The following WDR41 variants were observed in gnomAD, a reference collection of about 807,000 sequenced individuals.
WDR41 encodes the protein WD repeat domain 41, also known as WD repeat-containing protein 41.
In WDR41, 63 loss-of-function variants were observed where a neutral mutation model predicts 69.3. That is an observed-to-expected ratio of 0.91 (90% confidence interval 0.74 to 1.12). The LOEUF (loss-of-function observed/expected upper bound fraction) is 1.12, where lower values mean the gene tolerates loss of function less well. Ranked by LOEUF, WDR41 falls within the 50% of genes most tolerant of loss-of-function variation. WDR41 has a pLI of 0.00. For missense variants in WDR41, 543 were observed against 534.5 expected, an observed-to-expected ratio of 1.02 and a Z score of -0.16; for synonymous variants, 185 against 192.1, an observed-to-expected ratio of 0.96 and a Z score of 0.31.
At chr5:77,441,135 G>C in intron 8 of WDR41, 138 bp from the exon 9 acceptor site, 1 of 803,024 alleles carries the variant, frequency 1.2e-6, no homozygotes, top group Non-Finnish European at 1.8e-6. Context: ...CCAACAGAAA[G>C]ATTAATGTAA....
At chr5:77,499,161 C>T (rs975713851) in intron 1 of WDR41, among the ~76,000 whole-genome samples, 3 of 152,146 alleles carry the variant, frequency 2.0e-5, no homozygotes, top group East Asian at 1.9e-4. Context: ...AAATAGATGA[C>T]GTAACTCTTT....
intron 12 of WDR41, 110 bp from the exon 13 acceptor site, chr5:77,433,397 T>G: frequency 1.1e-6 from 1 of 883,196 alleles, no homozygotes; most frequent in Non-Finnish European, 1.6e-6. Context: ...CTCCTTTGGA[T>G]CTGGGTGTAG....
At chr5:77,485,021 A>G (rs1321832115) in intron 2 of WDR41, among the ~76,000 whole-genome samples, 1 of 152,248 alleles carries the variant, frequency 6.6e-6, no homozygotes, top group Non-Finnish European at 1.5e-5. Context: ...ATTTACATCC[A>G]GTAGAGAACT....
chr5:77,455,522 C>A (rs1799792998), intron 5 of WDR41, among the ~76,000 whole-genome samples: 1 of 152,126 alleles, frequency 6.6e-6, no homozygotes, highest in African/African-American at 2.4e-5. Context: ...ATTTAAGACA[C>A]CTAGCCCAAG....
intron 2 of WDR41, among the ~76,000 whole-genome samples, chr5:77,479,892 C>T (rs1396281112): frequency 1.3e-5 from 2 of 151,586 alleles, no homozygotes; most frequent in Middle Eastern, 3.4e-3. Flanking sequence ...AGGCAACCTA[C>T]AAAATGGGAG....
At chr5:77,493,174 G>A (rs772483984), upstream of WDR41, among the ~76,000 whole-genome samples, 1 of 152,110 alleles carries the variant, frequency 6.6e-6, no homozygotes, top group Non-Finnish European at 1.5e-5. Context: ...CGGGGTTTTG[G>A]GAAGGCTCCT....
chr5:77,487,208 T>C (rs1370015358), intron 2 of WDR41, among the ~76,000 whole-genome samples: 2 of 152,232 alleles, frequency 1.3e-5, no homozygotes, highest in Admixed American at 6.5e-5. Context: ...TTAACTTTCC[T>C]GGACAAAATA....
At chr5:77,470,694 C>A (rs1292553694) in intron 2 of WDR41, among the ~76,000 whole-genome samples, 3 of 152,040 alleles carry the variant, frequency 2.0e-5, no homozygotes, top group Non-Finnish European at 2.9e-5. Flanking sequence ...GCCATTACAT[C>A]ATGGTAAAGG....
At position 77,600,473 on chromosome 5, in the gene WDR41, T is replaced by A. The variant is rs890921446; in HGVS notation, c.42+20006A>T. Among the ~76,000 whole-genome samples the A allele has an allele frequency of 2.6e-5, 4 of 152,068 alleles. No individual in the cohort carries two copies. The East Asian group carries it at 7.7e-4, about 29-fold the overall frequency. On this transcript the variant is annotated intron_variant, in intron 1 of 5. Transcript: ENST00000509971. ...TGACTACGAAAAGGCATAAGGGGAT[T>A]TTTGGAGGTGATAAAAATATCCTAT...
intron 3 of WDR41, among the ~76,000 whole-genome samples, chr5:77,464,273 A>ATTTTTTTTTTTTTTTTTTTTTT (rs772388660): frequency 1.0e-5 from 1 of 95,484 alleles, no homozygotes. Flanking sequence ...TTAGGAAAAA[A>ATTTTTTTTTTTTTTTTTTTTTT]CTTTTTTTTT....
At chr5:77,464,903 C>T in intron 2 of WDR41, 94 bp from the exon 3 acceptor site, 2 of 1,245,186 alleles carry the variant, frequency 1.6e-6, no homozygotes, top group Non-Finnish European at 2.3e-6. Flanking sequence ...GGTATTTTGA[C>T]TAATATTAAC....
At chr5:77,537,724 T>C (rs1743013792) in intron 1 of WDR41, among the ~76,000 whole-genome samples, 1 of 152,042 alleles carries the variant, frequency 6.6e-6, no homozygotes, top group South Asian at 2.1e-4. Context: ...GGAGGGTCGG[T>C]CTCTCCAGCA....
chr5:77,615,687 CAAAAAAAAAA>C (rs10695519), intron 1 of WDR41, among the ~76,000 whole-genome samples: 18 of 79,392 alleles, frequency 2.3e-4, no homozygotes, highest in Non-Finnish European at 1.9e-4. Context: ...TACTGCAAGT[CAAAAAAAAAA>C]AAAAAAAAAA....
At chr5:77,540,338 G>T (rs2112222995) in intron 1 of WDR41, 1 of 152,294 alleles carries the variant, frequency 6.6e-6, no homozygotes, top group East Asian at 1.9e-4. Context: ...ATCAGTTTAA[G>T]AATTCTAAAC....
intron 1 of WDR41, among the ~76,000 whole-genome samples, chr5:77,519,183 G>T (rs1356789547): frequency 6.6e-6 from 1 of 151,780 alleles, no homozygotes; most frequent in African/African-American, 2.4e-5. Context: ...TATTCTGCCT[G>T]GTTATTTATA....
chr5:77,499,502 GC>G lies in WDR41; in HGVS notation c.43-9931del, dbSNP rs932091383. ...TGGCTACCAACAGGAGACTGCAGGA[GC>G]CAAAACTCTAAGGGAAGGGAGACTT... On this transcript the variant is annotated intron_variant, in intron 1 of 5. Transcript: ENST00000509971. 14 of 152,338 alleles carry G rather than the reference GC, an allele frequency of 9.2e-5. No individual in the cohort carries two copies. In the East Asian group the frequency reaches 2.1e-3, roughly 23 times the overall value. 9.4% of individuals were successfully genotyped at this position (152,338 alleles called of 1,614,324 possible).
At chr5:77,499,976 C>G (rs1049795412) in intron 1 of WDR41, among the ~76,000 whole-genome samples, 1 of 151,858 alleles carries the variant, frequency 6.6e-6, no homozygotes, top group Non-Finnish European at 1.5e-5. Flanking sequence ...AAAAAAATAC[C>G]AACAGTCTCC....
intron 1 of WDR41, among the ~76,000 whole-genome samples, chr5:77,517,831 A>T (rs1399581275): frequency 6.6e-6 from 1 of 152,114 alleles, no homozygotes; most frequent in Non-Finnish European, 1.5e-5. Flanking sequence ...AAAAATAATA[A>T]TAAGAAGAAA....
chr5:77,580,438 C>T (rs1000650754), intron 1 of WDR41, among the ~76,000 whole-genome samples: 1 of 152,088 alleles, frequency 6.6e-6, no homozygotes, highest in African/African-American at 2.4e-5. Flanking sequence ...CAATTATCTC[C>T]ACCTGGTCCT....
Sources: gnomAD v4.1 joint callset for allele counts (sites outside exome capture counted in the v4.1 genomes callset) on GRCh38, gnomAD v4.1.1 for gene constraint, MANE v1.5 for transcripts, NCBI Gene and HGNC (gene_info 2026-07-23, HGNC 2026-07-21) for gene names.